Variants in PTPRD observed in about 807,000 individuals in gnomAD.
PTPRD encodes the protein receptor-type tyrosine-protein phosphatase delta.
Under a neutral mutation model 214.5 loss-of-function variants are expected in PTPRD, and 34 were observed. The observed-to-expected ratio is 0.16, with a 90% CI of 0.12 to 0.21. The LOEUF (loss-of-function observed/expected upper bound fraction) is 0.21. PTPRD is among the 10% of genes least tolerant of loss of function. The probability of loss-of-function intolerance (pLI) is 1.00; values close to 1 mark genes in which losing one functional copy is unlikely to be tolerated. For missense variants in PTPRD, 2,545 were observed against 2,398.7 expected (o/e 1.06, Z -1.27); for synonymous variants, 1,128 against 845.7 (o/e 1.33, Z -5.79).
intron 7 of PTPRD, among the ~76,000 whole-genome samples, chr9:9,731,533 A>C (rs2098192391): frequency 6.6e-6 from 1 of 152,058 alleles, no homozygotes; most frequent in Non-Finnish European, 1.5e-5. Flanking sequence ...GGATGTATAC[A>C]TGTGCCATGT....
chr9:8,620,561 T>G (rs887989492), intron 14 of PTPRD, among the ~76,000 whole-genome samples: 6 of 151,954 alleles, frequency 3.9e-5, no homozygotes, highest in Non-Finnish European at 2.9e-5. Context: ...ATAGAAACCT[T>G]GACCTTTCAG....
intron 8 of PTPRD, among the ~76,000 whole-genome samples, chr9:9,493,185 C>G (rs983680968): frequency 6.6e-6 from 1 of 151,790 alleles, no homozygotes; most frequent in Non-Finnish European, 1.5e-5. Flanking sequence ...TCTGAAAATC[C>G]TAAGGCCCTT....
chr9:9,258,199 G>C (rs1279863573), intron 9 of PTPRD, among the ~76,000 whole-genome samples: 1 of 151,788 alleles, frequency 6.6e-6, no homozygotes, highest in African/African-American at 2.4e-5. Context: ...ATAAGTGAAA[G>C]TGACAGTAGC....
chr9:8,843,102 C>T (rs1422667035), intron 11 of PTPRD, among the ~76,000 whole-genome samples: 1 of 152,198 alleles, frequency 6.6e-6, no homozygotes, highest in African/African-American at 2.4e-5. Flanking sequence ...TACAGCTATG[C>T]AGTCACAATG....
At chr9:10,315,664 C>A (rs1432035409) in intron 3 of PTPRD, among the ~76,000 whole-genome samples, 1 of 151,866 alleles carries the variant, frequency 6.6e-6, no homozygotes, top group Non-Finnish European at 1.5e-5. Flanking sequence ...TAAGATACGA[C>A]AAATAATTTG....
intron 3 of PTPRD, among the ~76,000 whole-genome samples, chr9:10,291,321 G>A (rs990411785): frequency 6.6e-6 from 1 of 152,034 alleles, no homozygotes; most frequent in Non-Finnish European, 1.5e-5. Context: ...TGGAATGATG[G>A]TCTCAAAACA....
chr9:9,574,109 A>T (rs2087549789), intron 8 of PTPRD, among the ~76,000 whole-genome samples: 1 of 151,928 alleles, frequency 6.6e-6, no homozygotes, highest in Non-Finnish European at 1.5e-5. Context: ...CATCAGTTTC[A>T]AAACACAAAT....
chr9:8,491,635 A>C (rs2097152088), intron 27 of PTPRD, among the ~76,000 whole-genome samples: 1 of 150,712 alleles, frequency 6.6e-6, no homozygotes, highest in Non-Finnish European at 1.5e-5. Flanking sequence ...CAGGGCATTA[A>C]ATTAGCTTGA....
chr9:10,412,421 A>G (rs1163552949), intron 2 of PTPRD, among the ~76,000 whole-genome samples: 1 of 151,722 alleles, frequency 6.6e-6, no homozygotes, highest in Non-Finnish European at 1.5e-5. Context: ...ATCAGTAATA[A>G]GTAGCCTGCC....
chr9:9,250,773 T>TCAA (rs1047295420), intron 9 of PTPRD, among the ~76,000 whole-genome samples: 1 of 151,932 alleles, frequency 6.6e-6, no homozygotes, highest in Non-Finnish European at 1.5e-5. Flanking sequence ...AAAAGAAATA[T>TCAA]CAACAACAAC....
chr9:8,718,161 G>C (rs12378368), intron 12 of PTPRD, among the ~76,000 whole-genome samples: 8,773 of 152,228 alleles, frequency 0.058, 377 homozygotes, highest in Non-Finnish European at 0.093. Flanking sequence ...TTTTGGGCTA[G>C]CAAAATGTTG....
intron 8 of PTPRD, among the ~76,000 whole-genome samples, chr9:9,436,675 G>GA (rs906344327): frequency 4.1e-4 from 61 of 148,208 alleles, no homozygotes; most frequent in Admixed American, 6.7e-4. Context: ...TTCAGGAATT[G>GA]AAAAAAAAAA....
intron 2 of PTPRD, among the ~76,000 whole-genome samples, chr9:10,474,193 T>G (rs530942949): frequency 1.3e-5 from 2 of 152,002 alleles, no homozygotes; most frequent in East Asian, 3.9e-4. Context: ...GGCTGGCAAG[T>G]TGGAGAGAGT....
intron 3 of PTPRD, among the ~76,000 whole-genome samples, chr9:10,052,035 C>T (rs1395053403): frequency 6.6e-6 from 1 of 152,084 alleles, no homozygotes; most frequent in Admixed American, 6.6e-5. Context: ...GTGTCAACCT[C>T]CTGGGCTCAA....
chr9:9,359,244 A>C (rs1390764769), intron 9 of PTPRD, among the ~76,000 whole-genome samples: 1 of 151,318 alleles, frequency 6.6e-6, no homozygotes, highest in Non-Finnish European at 1.5e-5. Context: ...CTAAGGTTAA[A>C]ATCTCATTTA....
chr9:9,280,259 A>G (rs1449458040), intron 9 of PTPRD, among the ~76,000 whole-genome samples: 1 of 151,356 alleles, frequency 6.6e-6, no homozygotes, highest in Non-Finnish European at 1.5e-5. Context: ...CTTGTAGAGT[A>G]TAATTCTGGA....
chr9:10,232,127 T>G (rs555637678), intron 3 of PTPRD, among the ~76,000 whole-genome samples: 2 of 151,678 alleles, frequency 1.3e-5, no homozygotes, highest in South Asian at 2.1e-4. Context: ...TATTTTGCCC[T>G]AGCACCAAAG....
chr9:10,179,030 G>T (rs1284863334), intron 3 of PTPRD, among the ~76,000 whole-genome samples: 1 of 151,764 alleles, frequency 6.6e-6, no homozygotes, highest in African/African-American at 2.4e-5. Context: ...TCAAATAAGA[G>T]AGATTAAAAA....
At chr9:9,416,461 A>G (rs1020684138) in intron 8 of PTPRD, among the ~76,000 whole-genome samples, 1 of 152,158 alleles carries the variant, frequency 6.6e-6, no homozygotes, top group Non-Finnish European at 1.5e-5. Context: ...ATGTATATAA[A>G]TTGATAACAC....
Sources: allele counts gnomAD v4.1 joint callset (sites outside exome capture counted in the v4.1 genomes callset), GRCh38; gene constraint gnomAD v4.1.1; transcripts MANE v1.5; gene names NCBI Gene and HGNC (gene_info 2026-07-23, HGNC 2026-07-21).